Variants in RBMS3 observed in about 807,000 individuals in gnomAD.
RBMS3 encodes the protein RNA binding motif single stranded interacting protein 3, also known as RNA-binding motif, single-stranded-interacting protein 3.
RBMS3 carries 27 observed loss-of-function variants against 66.8 expected under a neutral mutation model. The ratio of observed to expected loss-of-function variants is 0.40; its 90% CI spans 0.30 to 0.56. RBMS3 has a LOEUF of 0.56. RBMS3 is among the 20% of genes least tolerant of loss of function. The pLI is 0.40. For missense variants in RBMS3, 513 were observed against 549.5 expected (o/e 0.93, Z 0.66); for synonymous variants, 188 against 183.0 (o/e 1.03, Z -0.22).
At chr3:29,776,223 C>T (rs1223863811) in intron 6 of RBMS3, among the ~76,000 whole-genome samples, 3 of 151,918 alleles carry the variant, frequency 2.0e-5, no homozygotes, top group African/African-American at 7.2e-5. Flanking sequence ...CCCCTTTGCC[C>T]TTTATGAATT....
chr3:29,768,254 G>A lies in RBMS3; in HGVS notation c.637+5265G>A, dbSNP rs536199811. 4.6e-5 allele frequency among the ~76,000 whole-genome samples: 7 copies of A among 151,984 alleles called. No homozygotes were observed. In the East Asian group the frequency reaches 1.4e-3, roughly 30 times the overall value. On this transcript the variant is annotated intron_variant, in intron 6 of 14. Coordinates refer to ENST00000383767, the MANE Select transcript of RBMS3 (RefSeq NM_001003793.3). Reference sequence around the variant, plus strand: ...TCACAGAGCAGCTGGACAACATCATGGTCAATGGAGTCTGAGAATCTATGT... The same window carrying A: ...TCACAGAGCAGCTGGACAACATCATAGTCAATGGAGTCTGAGAATCTATGT...
At chr3:29,468,853 T>C (rs2042626905) in intron 2 of RBMS3, among the ~76,000 whole-genome samples, 1 of 152,106 alleles carries the variant, frequency 6.6e-6, no homozygotes, top group East Asian at 1.9e-4. Flanking sequence ...CAGAACCATC[T>C]AAAGAAAAAG....
chr3:29,817,736 G>T (rs535012464), intron 6 of RBMS3, among the ~76,000 whole-genome samples: 2 of 151,974 alleles, frequency 1.3e-5, no homozygotes, highest in Admixed American at 1.3e-4. Context: ...ATTACTAGTG[G>T]AAACTTTGCC....
chr3:29,866,545 T>C (rs534394659), intron 6 of RBMS3, among the ~76,000 whole-genome samples: 1 of 152,318 alleles, frequency 6.6e-6, no homozygotes, highest in South Asian at 2.1e-4. Context: ...TTAATACCTG[T>C]ATGTACCTGA....
chr3:29,753,026 TG>T (rs2055251684), intron 5 of RBMS3, among the ~76,000 whole-genome samples: 1 of 152,180 alleles, frequency 6.6e-6, no homozygotes, highest in South Asian at 2.1e-4. Context: ...CCGTTATATA[TG>T]TATATTTATT....
chr3:29,906,958 A>G (rs1217263263), intron 10 of RBMS3, among the ~76,000 whole-genome samples: 1 of 152,154 alleles, frequency 6.6e-6, no homozygotes, highest in Admixed American at 6.6e-5. Flanking sequence ...CATTTTTCCC[A>G]GTTGAGAAAT....
intron 1 of RBMS3, among the ~76,000 whole-genome samples, chr3:29,334,329 T>A (rs1055083962): frequency 6.6e-6 from 1 of 152,160 alleles, no homozygotes; most frequent in Non-Finnish European, 1.5e-5. Context: ...ATGAAAAAAA[T>A]GAAGAGGTTA....
chr3:29,352,577 A>G lies in RBMS3; in HGVS notation c.75+70821A>G, dbSNP rs73062153. 7.0e-3 allele frequency among the ~76,000 whole-genome samples: 1,062 copies of G among 152,208 alleles called. 5 individuals carry two copies. The highest frequency in any genetic ancestry group is 0.012 in the Non-Finnish European group (833 of 67,920). ...GTATCCATCACTTTGGGTATTTATC[A>G]TTGCTATGTGTTGGGAACAATTCAA... On this transcript the variant is annotated intron_variant, in intron 1 of 14. Transcript: ENST00000383767.
intron 10 of RBMS3, among the ~76,000 whole-genome samples, chr3:29,909,365 A>G (rs559762397): frequency 2.0e-5 from 3 of 152,264 alleles, no homozygotes; most frequent in South Asian, 4.1e-4. Flanking sequence ...GGAGTAATGT[A>G]TGAATCAATT....
chr3:30,001,675 TTGTAA>T, intron 14 of RBMS3, among the ~76,000 whole-genome samples: 1 of 152,016 alleles, frequency 6.6e-6, no homozygotes, highest in East Asian at 1.9e-4. Flanking sequence ...TTATAATATA[TTGTAA>T]TAATACATTG....
intron 4 of RBMS3, among the ~76,000 whole-genome samples, chr3:29,639,298 T>C (rs2049595450): frequency 6.6e-6 from 1 of 151,884 alleles, no homozygotes; most frequent in South Asian, 2.1e-4. Context: ...GGAAGGATAA[T>C]TTGGAAACAC....
At chr3:29,563,661 C>CA (rs1475935499) in intron 3 of RBMS3, among the ~76,000 whole-genome samples, 1 of 151,896 alleles carries the variant, frequency 6.6e-6, no homozygotes, top group Non-Finnish European at 1.5e-5. Flanking sequence ...TACAAGACAC[C>CA]AAAAAATAAC....
At chr3:29,342,289 T>C (rs1227797671) in intron 1 of RBMS3, among the ~76,000 whole-genome samples, 3 of 152,116 alleles carry the variant, frequency 2.0e-5, no homozygotes, top group Non-Finnish European at 4.4e-5. Flanking sequence ...CACAGATGTA[T>C]GGAAGAGCTG....
chr3:29,896,553 T>C (rs915609113), intron 8 of RBMS3, among the ~76,000 whole-genome samples: 2 of 151,586 alleles, frequency 1.3e-5, no homozygotes, highest in Admixed American at 6.6e-5. Context: ...CAGTAAGACA[T>C]AGGGGAAACA....
Position 29,826,310 on chromosome 3 carries a change from C to A in RBMS3, c.638-42548C>A, listed in dbSNP as rs1206415531. 2.0e-5 allele frequency among the ~76,000 whole-genome samples: 3 copies of A among 152,180 alleles called. No individual in the cohort carries two copies. In the East Asian group the frequency reaches 5.8e-4, roughly 29 times the overall value. On this transcript the variant is annotated intron_variant, in intron 6 of 14. Coordinates refer to ENST00000383767, the MANE Select transcript of RBMS3 (RefSeq NM_001003793.3). ...CTTCCTCCCATGCAGACTTTACACA[C>A]TGTATTTTTTATCAGAAATATCCTT...
At chr3:29,282,523 C>T (rs958878752) in intron 1 of RBMS3, among the ~76,000 whole-genome samples, 5 of 151,984 alleles carry the variant, frequency 3.3e-5, no homozygotes, top group Non-Finnish European at 5.9e-5. Flanking sequence ...AGAGGCAAGC[C>T]CACGTAAGTA....
chr3:29,337,063 A>G (rs2035998489), intron 1 of RBMS3, among the ~76,000 whole-genome samples: 1 of 152,116 alleles, frequency 6.6e-6, no homozygotes, highest in Non-Finnish European at 1.5e-5. Context: ...GAGTATTTAT[A>G]TACATATAAT....
chr3:29,406,760 T>C, intron 1 of RBMS3, among the ~76,000 whole-genome samples: 1 of 152,348 alleles, frequency 6.6e-6, no homozygotes, highest in Non-Finnish European at 1.5e-5. Context: ...AATACTTTTT[T>C]TCATTAAACT....
chr3:29,316,836 G>A (rs762050155), intron 1 of RBMS3, among the ~76,000 whole-genome samples: 14 of 151,394 alleles, frequency 9.2e-5, no homozygotes, highest in Admixed American at 6.6e-4. Context: ...TAATTCCTAC[G>A]CACTCAAGAG....
Sources: allele counts gnomAD v4.1 joint callset (sites outside exome capture counted in the v4.1 genomes callset), GRCh38; gene constraint gnomAD v4.1.1; transcripts MANE v1.5; gene names NCBI Gene and HGNC (gene_info 2026-07-23, HGNC 2026-07-21).